Variants in TSNARE1 observed in about 807,000 individuals in gnomAD.
TSNARE1 encodes t-SNARE domain-containing protein 1.
Under a neutral mutation model 62.0 loss-of-function variants are expected in TSNARE1, and 49 were observed. That is an observed-to-expected ratio of 0.79 (90% CI 0.63 to 1.00). The LOEUF (loss-of-function observed/expected upper bound fraction) is 1.00, where lower values mean the gene tolerates loss of function less well. Ranked by LOEUF, TSNARE1 falls within the 50% of genes least tolerant of loss-of-function variation. The pLI, the probability that TSNARE1 is intolerant of heterozygous loss-of-function variation, is 0.00. For synonymous variants in TSNARE1, 328 were observed against 294.4 expected (o/e 1.11, Z -1.17); for missense variants, 755 against 700.1 (o/e 1.08, Z -0.88).
intron 1 of TSNARE1, among the ~76,000 whole-genome samples, chr8:142,374,473 T>C (rs910484686): frequency 3.3e-5 from 5 of 151,308 alleles, no homozygotes; most frequent in African/African-American, 4.9e-5. Context: ...GGTCAGGAGA[T>C]TGACACCATC....
At chr8:142,395,629 C>A (rs1448422000) in intron 1 of TSNARE1, among the ~76,000 whole-genome samples, 1 of 152,244 alleles carries the variant, frequency 6.6e-6, no homozygotes, top group African/African-American at 2.4e-5. Flanking sequence ...GGGGCCCAGG[C>A]TGGAGGCTGT....
At chr8:142,279,769 C>T in intron 11 of TSNARE1, 1 of 620,290 alleles carries the variant, frequency 1.6e-6, no homozygotes, top group Non-Finnish European at 2.0e-6. Context: ...CTCTTGGGAG[C>T]TGGTGCAGAA....
intron 10 of TSNARE1, among the ~76,000 whole-genome samples, chr8:142,293,933 C>T (rs1384925237): frequency 6.6e-6 from 1 of 152,230 alleles, no homozygotes; most frequent in Non-Finnish European, 1.5e-5. Context: ...CTGGCCACCA[C>T]AGCCACCCTA....
At chr8:142,390,271 CGT>C (rs1837400636) in intron 1 of TSNARE1, among the ~76,000 whole-genome samples, 4 of 141,344 alleles carry the variant, frequency 2.8e-5, no homozygotes, top group African/African-American at 7.9e-5. Context: ...CTGGGGACTC[CGT>C]AACAGACGCT....
chr8:142,342,291 G>A (rs1189994878), intron 4 of TSNARE1, among the ~76,000 whole-genome samples: 2 of 152,248 alleles, frequency 1.3e-5, no homozygotes, highest in East Asian at 1.9e-4. Flanking sequence ...AGGCCTCAGC[G>A]CCCGTGACCA....
chr8:142,337,429 G>A (rs776398400), intron 4 of TSNARE1, among the ~76,000 whole-genome samples: 4 of 152,232 alleles, frequency 2.6e-5, no homozygotes, highest in East Asian at 1.9e-4. Flanking sequence ...GCTGGAGAAC[G>A]CGAAAGCATC....
chr8:142,371,877 G>A (rs977068005), intron 1 of TSNARE1, among the ~76,000 whole-genome samples: 5 of 152,166 alleles, frequency 3.3e-5, no homozygotes, highest in African/African-American at 7.2e-5. Context: ...ACACAGCCAC[G>A]CCCATTCATC....
chr8:142,292,833 C>A (rs900597506), intron 10 of TSNARE1, among the ~76,000 whole-genome samples: 13 of 152,118 alleles, frequency 8.5e-5, no homozygotes, highest in Non-Finnish European at 1.9e-4. Context: ...TATCCCAGAC[C>A]AACGCGGGCA....
chr8:142,361,292 T>C (rs922053005), intron 1 of TSNARE1, among the ~76,000 whole-genome samples: 2 of 152,198 alleles, frequency 1.3e-5, no homozygotes, highest in South Asian at 2.1e-4. Context: ...GCTTGTCCCA[T>C]GGGGGAGGAA....
intron 12 of TSNARE1, among the ~76,000 whole-genome samples, chr8:142,256,588 C>T (rs1327100799): frequency 1.3e-5 from 2 of 149,632 alleles, no homozygotes; most frequent in African/African-American, 4.9e-5. Context: ...TCACCACCAT[C>T]ACCATCACTA....
At chr8:142,269,903 G>A in intron 12 of TSNARE1, 1 of 985,444 alleles carries the variant, frequency 1.0e-6, no homozygotes, top group Non-Finnish European at 1.2e-6. Context: ...ACACATTGCT[G>A]GCTCCAGGGG....
At position 142,330,972 on chromosome 8, in the gene TSNARE1, T is replaced by C; in HGVS notation, c.824-2A>G. 6.2e-7 allele frequency: 1 copy of C among 1,613,874 alleles called. No homozygotes were observed. Among genetic ancestry groups the C allele is most frequent in the Non-Finnish European group, 8.5e-7 (1 of 1,179,890 alleles). On this transcript the variant is annotated splice_acceptor_variant, in intron 5 of 13. Transcript: ENST00000524325. LOFTEE classifies it high-confidence loss of function. ...GAAGGCTCCGCTCCAAGGAGGTCAC[T>C]GCCCGAGAGAAGAGGGACAGGGTGA... is the stretch of plus-strand genomic sequence containing the variant.
chr8:142,286,321 G>A (rs1250118455), intron 10 of TSNARE1, among the ~76,000 whole-genome samples: 1 of 152,160 alleles, frequency 6.6e-6, no homozygotes, highest in Non-Finnish European at 1.5e-5. Context: ...TTCCATGAGG[G>A]TCATTTCACC....
At chr8:142,271,274 T>G (rs529483427) in intron 12 of TSNARE1, 4 of 1,047,234 alleles carry the variant, frequency 3.8e-6, no homozygotes, top group East Asian at 6.9e-5. Flanking sequence ...GAGGGTCCGG[T>G]TGAGGGCCTC....
intron 2 of TSNARE1, among the ~76,000 whole-genome samples, chr8:142,348,827 T>G (rs1011771091): frequency 6.6e-6 from 1 of 152,130 alleles, no homozygotes; most frequent in Non-Finnish European, 1.5e-5. Flanking sequence ...GTATCTGAGT[T>G]ATTTATGAGT....
chr8:142,304,454 G>A (rs72687377), intron 9 of TSNARE1, among the ~76,000 whole-genome samples: 774 of 152,334 alleles, frequency 5.1e-3, no homozygotes, highest in Non-Finnish European at 8.5e-3. Flanking sequence ...ACAGCCCCGT[G>A]GTCTATGCCC....
At chr8:142,324,937 C>G (rs1450476046) in intron 6 of TSNARE1, among the ~76,000 whole-genome samples, 1 of 152,250 alleles carries the variant, frequency 6.6e-6, no homozygotes, top group Non-Finnish European at 1.5e-5. Context: ...TGTGGCTGGG[C>G]TGGTTTGATT....
At position 142,344,109 on chromosome 8, in the gene TSNARE1, T is replaced by C; in HGVS notation, c.602A>G (p.Asp201Gly). 1.2e-6 allele frequency: 2 copies of C among 1,610,380 alleles called. No individual in the cohort carries two copies. The highest frequency in any genetic ancestry group is 1.7e-6 in the Non-Finnish European group (2 of 1,178,450). Reference protein sequence around the residue: ...LRAVVRRKLGDLRKAAHGPSP... With the variant: ...LRAVVRRKLGGLRKAAHGPSP... Reference sequence around the variant, plus strand: ...GGGGCCATGGGCCGCCTTCCGGAGGTCGCCCAGCTTGCGCCGCACGACGGC... The same window carrying C: ...GGGGCCATGGGCCGCCTTCCGGAGGCCGCCCAGCTTGCGCCGCACGACGGC... Residue 201 changes from aspartate (D) to glycine (G), a missense_variant, in exon 4 of 14, where the codon GAC becomes GGC. Asp to Gly is a moderately conservative substitution (Grantham distance 94). Transcript: ENST00000524325.
At chr8:142,354,784 A>G in intron 1 of TSNARE1, 21 bp from the exon 2 acceptor site, 5 of 1,312,072 alleles carry the variant, frequency 3.8e-6, no homozygotes, top group Non-Finnish European at 4.4e-6. Flanking sequence ...CACGAAAAGC[A>G]GGGGGAAGAG....
Sources: gnomAD v4.1 joint callset for allele counts (sites outside exome capture counted in the v4.1 genomes callset) on GRCh38, gnomAD v4.1.1 for gene constraint, MANE v1.5 for transcripts, NCBI Gene and HGNC (gene_info 2026-07-23, HGNC 2026-07-21) for gene names.